Variants in CCDC18 observed in about 807,000 individuals in gnomAD.
CCDC18 encodes the protein coiled-coil domain-containing protein 18.
Under a neutral mutation model 196.0 loss-of-function variants are expected in CCDC18, and 157 were observed. The ratio of observed to expected loss-of-function variants is 0.80; its 90% CI spans 0.70 to 0.91. The LOEUF (loss-of-function observed/expected upper bound fraction) is 0.91. CCDC18 is among the 40% of genes least tolerant of loss of function. The pLI, the probability that CCDC18 is intolerant of heterozygous loss-of-function variation, is 0.00. For missense variants in CCDC18, 1,465 were observed against 1,611.6 expected, an observed-to-expected ratio of 0.91 and a Z score of 1.56; for synonymous variants, 482 against 529.2, an observed-to-expected ratio of 0.91 and a Z score of 1.22.
chr1:93,204,455 A>T (rs1211210852), intron 7 of CCDC18, among the ~76,000 whole-genome samples: 2 of 152,184 alleles, frequency 1.3e-5, no homozygotes, highest in East Asian at 3.8e-4. Context: ...CAATAAGGAA[A>T]GCCAAGAAAT....
intron 27 of CCDC18, 82 bp from the exon 28 acceptor site, chr1:93,270,265 C>A: frequency 2.6e-6 from 2 of 783,998 alleles, no homozygotes; most frequent in Non-Finnish European, 4.1e-6. Context: ...GGTTGACTTT[C>A]TAAAAGTCTA....
At chr1:93,185,050 T>G (rs2484485) in intron 3 of CCDC18, among the ~76,000 whole-genome samples, 125,579 of 151,724 alleles carry the variant, frequency 0.83, 52,190 homozygotes, top group East Asian at 1. Context: ...AGAACAAAAA[T>G]ATCAGTAACC....
At chr1:93,222,329 A>T (rs1035788951) in intron 16 of CCDC18, among the ~76,000 whole-genome samples, 1 of 152,124 alleles carries the variant, frequency 6.6e-6, no homozygotes, top group African/African-American at 2.4e-5. Context: ...TTTGCAGGTT[A>T]TCTAGCCTCT....
chr1:93,234,166 T>TTTTTTTCTC (rs1659677805), intron 18 of CCDC18, among the ~76,000 whole-genome samples: 2 of 152,072 alleles, frequency 1.3e-5, no homozygotes, highest in Admixed American at 6.6e-5. Flanking sequence ...TTTTTTTTCT[T>TTTTTTTCTC]TTTTTTCTCT....
chr1:93,185,848 C>G (rs1319462225), intron 3 of CCDC18, among the ~76,000 whole-genome samples: 1 of 151,422 alleles, frequency 6.6e-6, no homozygotes, highest in Non-Finnish European at 1.5e-5. Context: ...AATCACAATC[C>G]TCATGAAAAT....
At chr1:93,231,342 A>AAG (rs1344067942) in intron 17 of CCDC18, among the ~76,000 whole-genome samples, 22 of 152,186 alleles carry the variant, frequency 1.4e-4, no homozygotes, top group Non-Finnish European at 2.6e-4. Flanking sequence ...CCATTCTCTA[A>AAG]TACTTCAGTT....
intron 17 of CCDC18, 22 bp from the exon 18 acceptor site, chr1:93,232,404 G>GAT (rs147449225): frequency 2.4e-3 from 3,082 of 1,290,052 alleles, no homozygotes; most frequent in Non-Finnish European, 2.8e-3. Flanking sequence ...TGTATTGAGA[G>GAT]ATATATATAT....
At chr1:93,243,564 A>C (rs545425654) in intron 21 of CCDC18, among the ~76,000 whole-genome samples, 4 of 152,282 alleles carry the variant, frequency 2.6e-5, no homozygotes, top group African/African-American at 9.6e-5. Flanking sequence ...TACTTATGCA[A>C]ATTTCTGCAG....
In CCDC18 at chr1:93,264,694, T is replaced by C; in HGVS notation, c.3685-7T>C. ...TTTTTTTCTTTTCCAATTCTGGGGC[T>C]ATATAGATGATTTCACATCAAGAGA... is the stretch of plus-strand genomic sequence containing the variant. On this transcript the variant is annotated splice_region_variant and splice_polypyrimidine_tract_variant and intron_variant, in intron 26 of 28. Transcript: ENST00000690025. 1 of 1,567,752 alleles carries C rather than the reference T, an allele frequency of 6.4e-7. No homozygotes were observed. The highest frequency in any genetic ancestry group is 8.7e-7 in the Non-Finnish European group (1 of 1,143,356).
At chr1:93,212,681 T>A (rs1245356209) in intron 11 of CCDC18, among the ~76,000 whole-genome samples, 1 of 152,244 alleles carries the variant, frequency 6.6e-6, no homozygotes, top group Non-Finnish European at 1.5e-5. Context: ...TTAGACTTTG[T>A]ATCATTCGTT....
intron 18 of CCDC18, among the ~76,000 whole-genome samples, 165 bp downstream of exon 18, chr1:93,232,758 G>C (rs1356905267): frequency 2.0e-5 from 3 of 152,294 alleles, no homozygotes; most frequent in African/African-American, 7.2e-5. Flanking sequence ...ATCACCTGAG[G>C]TCAGGAGTTC....
At position 93,270,720 on chromosome 1, in the gene CCDC18, A is replaced by G. The variant is rs553406053; in HGVS notation, c.4259A>G (p.Asp1420Gly). 1.4e-5 allele frequency: 22 copies of G among 1,550,344 alleles called. No individual in the cohort carries two copies. The South Asian group carries it at 2.4e-4, about 17-fold the overall frequency. The part of the protein sequence containing the change: ...NLEADSSENN[D>G]FNTLSGMLRY... ...GAAGCTGATAGTTCTGAGAATAATG[A>G]CTTTAACACGCTTAGTGGGATGCTA... The change falls in exon 28 of 29, where the codon GAC becomes GGC. Residue 1420 changes from aspartate to glycine, a missense_variant. Transcript: ENST00000690025.
In CCDC18 at chr1:93,193,616, A is replaced by G. The variant is rs775820659; in HGVS notation, c.570A>G (p.Arg190=). ...AEVSAQDKVL[R]EAENKLEQSQ... ...AAACAAAGTATCCTTTATTTTATAG[A>G]GAGGCAGAAAATAAGCTGGAACAGA... The change falls in exon 6 of 29, where the codon AGA becomes AGG. Residue 190 remains arginine, a splice_region_variant and synonymous_variant. Transcript: ENST00000690025. 5.1e-6 allele frequency: 8 copies of G among 1,573,798 alleles called. No homozygotes were observed. The highest frequency in any genetic ancestry group is 6.0e-6 in the Non-Finnish European group (7 of 1,162,602).
In CCDC18 at chr1:93,256,456, G is replaced by C; in HGVS notation, c.3464G>C (p.Arg1155Pro). The C allele has an allele frequency of 1.9e-6, 3 of 1,614,008 alleles. No homozygotes were observed. Among genetic ancestry groups the C allele is most frequent in the Non-Finnish European group, 2.5e-6 (3 of 1,179,966 alleles). ...TCTCATACAGAATTGGCAGAGGCTC[G>C]TCATCAGCAAGTCCAAGCACAGAGA... The part of the protein sequence containing the change: ...QNSHTELAEA[R>P]HQQVQAQREI... Residue 1155 changes from arginine (R) to proline (P), a missense_variant, in exon 25 of 29, where the codon CGT becomes CCT. Arg to Pro is a moderately radical substitution (Grantham distance 103). Coordinates refer to ENST00000690025, the MANE Select transcript of CCDC18 (RefSeq NM_001378204.1).
chr1:93,254,743 G>A, intron 24 of CCDC18, 129 bp downstream of exon 24: 1 of 871,540 alleles, frequency 1.1e-6, no homozygotes, highest in Non-Finnish European at 1.8e-6. Context: ...CTAGTTTTTT[G>A]TGCCAGAAAC....
chr1:93,205,888 G>C (rs938216283), intron 8 of CCDC18, among the ~76,000 whole-genome samples: 3 of 152,068 alleles, frequency 2.0e-5, no homozygotes, highest in Admixed American at 6.5e-5. Context: ...AAAATTAATA[G>C]ATATAATGTC....
At chr1:93,268,973 AC>A (rs1664910524) in intron 27 of CCDC18, among the ~76,000 whole-genome samples, 1 of 152,138 alleles carries the variant, frequency 6.6e-6, no homozygotes, top group South Asian at 2.1e-4. Flanking sequence ...AGACACATGC[AC>A]ATGTATGTTT....
In CCDC18 at chr1:93,221,700, A is replaced by G; in HGVS notation, c.2054A>G (p.His685Arg). The stretch of plus-strand genomic sequence containing the variant: ...CAACAAGATATAATATGCAAACAAC[A>G]TCATCTTGAATCACTAGATAGACTC... ...MLQQDIICKQ[H>R]HLESLDRLLT... Residue 685 changes from histidine to arginine, a missense_variant, in exon 15 of 29, where the codon CAT (histidine) becomes CGT (arginine). Physicochemically the swap from His to Arg is conservative, Grantham distance 29 (BLOSUM62 0). Transcript: ENST00000690025. 6.3e-7 allele frequency: 1 copy of G among 1,596,822 alleles called. No homozygotes were observed. The highest frequency in any genetic ancestry group is 2.3e-5 in the East Asian group (1 of 44,282).
intron 1 of CCDC18, among the ~76,000 whole-genome samples, chr1:93,181,881 C>T (rs892627604): frequency 1.4e-4 from 22 of 152,308 alleles, no homozygotes; most frequent in Admixed American, 9.1e-4. Context: ...TCCCAAAGTG[C>T]TGGGATTACC....
Sources: allele counts gnomAD v4.1 joint callset (sites outside exome capture counted in the v4.1 genomes callset), GRCh38; gene constraint gnomAD v4.1.1; transcripts MANE v1.5; gene names NCBI Gene and HGNC (gene_info 2026-07-23, HGNC 2026-07-21).